WWOX: variants seen among roughly 807,000 people sequenced by gnomAD.
WWOX encodes WW domain containing oxidoreductase, also known as WW domain-containing oxidoreductase.
A neutral mutation model predicts 46.2 loss-of-function variants in WWOX; 69 were observed. The ratio of observed to expected loss-of-function variants is 1.49; its 90% confidence interval spans 1.23 to 1.82. WWOX has a LOEUF of 1.82. Ranked by LOEUF, WWOX falls within the 40% of genes most tolerant of loss-of-function variation. The probability of loss-of-function intolerance (pLI) is 0.00; values close to 1 mark genes in which losing one functional copy is unlikely to be tolerated. For missense variants in WWOX, 919 were observed against 542.6 expected, an observed-to-expected ratio of 1.69 and a Z score of -6.89; for synonymous variants, 359 against 202.6, an observed-to-expected ratio of 1.77 and a Z score of -6.56.
chr16:79,194,154 C>T (rs441083), intron 8 of WWOX, among the ~76,000 whole-genome samples: 118,943 of 152,146 alleles, frequency 0.78, 47,371 homozygotes, highest in Non-Finnish European at 0.85. Flanking sequence ...AGTGTAGCTC[C>T]AATGTGAGTT....
intron 8 of WWOX, among the ~76,000 whole-genome samples, chr16:79,011,789 G>A (rs1188334861): frequency 6.6e-6 from 1 of 151,610 alleles, no homozygotes; most frequent in African/African-American, 2.4e-5. Context: ...CACCATGCCC[G>A]GCCCCCTTTT....
chr16:79,052,276 G>C (rs532641217), intron 8 of WWOX, among the ~76,000 whole-genome samples: 35 of 150,854 alleles, frequency 2.3e-4, no homozygotes, highest in Non-Finnish European at 3.7e-4. Flanking sequence ...ACCTATGAGT[G>C]AGAATATGCG....
At chr16:78,811,709 G>T (rs2051194149) in intron 8 of WWOX, among the ~76,000 whole-genome samples, 1 of 151,950 alleles carries the variant, frequency 6.6e-6, no homozygotes, top group South Asian at 2.1e-4. Flanking sequence ...ATCCCCTCAT[G>T]AGGGGACCCA....
At chr16:78,697,696 G>T (rs1352958269) in intron 8 of WWOX, among the ~76,000 whole-genome samples, 1 of 152,150 alleles carries the variant, frequency 6.6e-6, no homozygotes, top group Non-Finnish European at 1.5e-5. Flanking sequence ...TAAGTGTTCT[G>T]AACACATTTA....
Position 78,887,080 on chromosome 16 carries a change from GTGT to G in WWOX, c.1057-324527_1057-324525del, listed in dbSNP as rs2044476437. Among the ~76,000 whole-genome samples the G allele has an allele frequency of 2.2e-3, 272 of 122,476 alleles. 2 individuals carry two copies. Among genetic ancestry groups the G allele is most frequent in the African/African-American group, 6.5e-3 (171 of 26,204 alleles). The allele number at this position is 122,476 out of a possible 152,430, so 80.3% of individuals were successfully genotyped here. On this transcript the variant is annotated intron_variant, in intron 8 of 8. Transcript: ENST00000566780. Reference sequence around the variant, plus strand: ...CTGGCTATATGTGTGTGTGTGTGGTGTGTGTGTGTGTGTGTGTGTGTGTGTGTG... The same window carrying G: ...CTGGCTATATGTGTGTGTGTGTGGTGGTGTGTGTGTGTGTGTGTGTGTGTG...
intron 6 of WWOX, among the ~76,000 whole-genome samples, chr16:78,399,843 T>C (rs1052852931): frequency 6.6e-6 from 1 of 152,212 alleles, no homozygotes; most frequent in Non-Finnish European, 1.5e-5. Context: ...GAAATCACAT[T>C]TTAATAACAT....
intron 8 of WWOX, among the ~76,000 whole-genome samples, chr16:79,068,672 G>A (rs558960934): frequency 7.6e-4 from 115 of 151,814 alleles, no homozygotes; most frequent in African/African-American, 1.9e-3. Context: ...TTAGCCAGGC[G>A]TGGGGGTGCA....
At chr16:78,202,270 A>G (rs984087287) in intron 5 of WWOX, among the ~76,000 whole-genome samples, 1 of 152,182 alleles carries the variant, frequency 6.6e-6, no homozygotes, top group Non-Finnish European at 1.5e-5. Context: ...TCCTGGTGCA[A>G]CATGCCATGA....
chr16:78,539,605 A>G (rs369837006), intron 8 of WWOX, among the ~76,000 whole-genome samples: 93 of 152,322 alleles, frequency 6.1e-4, no homozygotes, highest in African/African-American at 2.0e-3. Context: ...GAATTTCCCG[A>G]TTCTCTTCCA....
intron 8 of WWOX, among the ~76,000 whole-genome samples, chr16:79,068,395 C>G (rs1037567091): frequency 6.6e-6 from 1 of 151,974 alleles, no homozygotes; most frequent in Non-Finnish European, 1.5e-5. Context: ...GGACTTAAAC[C>G]CGTGTTCCTG....
At chr16:78,861,689 A>G (rs1478255997) in intron 8 of WWOX, among the ~76,000 whole-genome samples, 1 of 152,218 alleles carries the variant, frequency 6.6e-6, no homozygotes, top group Non-Finnish European at 1.5e-5. Context: ...TAAATATTAT[A>G]AATGTCATCT....
intron 8 of WWOX, among the ~76,000 whole-genome samples, chr16:78,677,504 G>A (rs1362927560): frequency 6.6e-6 from 1 of 152,190 alleles, no homozygotes; most frequent in Non-Finnish European, 1.5e-5. Flanking sequence ...TCCTGAGCCT[G>A]TTCTGTGGTC....
rs529899091 is a variant in WWOX at position 79,111,860 on chromosome 16, C to A, written c.1057-99748C>A. Among the ~76,000 whole-genome samples, 48 of 152,280 alleles carry A rather than the reference C, an allele frequency of 3.2e-4. No homozygotes were observed. In the Middle Eastern group the frequency reaches 0.014, roughly 43 times the overall value. On this transcript the variant is annotated intron_variant, in intron 8 of 8. Transcript: ENST00000566780. Reference sequence around the variant, plus strand: ...CCTGGCAGGGGACAAATTTATGTAACAGACTCCATCCTGAATTCCAGTCCT... The same window carrying A: ...CCTGGCAGGGGACAAATTTATGTAAAAGACTCCATCCTGAATTCCAGTCCT...
Position 78,422,684 on chromosome 16 carries a change from T to TATATATATATATATATATATATACAC in WWOX, c.606-2185_606-2184insTATATATATATATATATATATACACA, listed in dbSNP as rs1263877025. Among the ~76,000 whole-genome samples the TATATATATATATATATATATATACAC allele has an allele frequency of 1.5e-3, 78 of 52,940 alleles. 6 individuals are homozygous for TATATATATATATATATATATATACAC. The highest frequency in any genetic ancestry group is 3.5e-3 in the South Asian group (5 of 1,428). The allele number at this position is 52,940 out of a possible 152,430, so 34.7% of individuals were successfully genotyped here. A position where few individuals can be genotyped will look rare whatever the true frequency, so the allele number is the denominator to read the frequency against. On this transcript the variant is annotated intron_variant, in intron 6 of 8. Transcript: ENST00000566780. The stretch of plus-strand genomic sequence containing the variant: ...ACATGTATATATATATATATATATA[T>TATATATATATATATATATATATACAC]ACACACACACACACACATATATATA...
chr16:79,058,116 AAAAAC>A (rs1303961311), intron 8 of WWOX, among the ~76,000 whole-genome samples: 1 of 84,318 alleles, frequency 1.2e-5, no homozygotes, highest in African/African-American at 7.9e-5. Flanking sequence ...TAAAAAAAAA[AAAAAC>A]AAACAAACAA....
At chr16:78,538,446 G>A (rs2043811948) in intron 8 of WWOX, among the ~76,000 whole-genome samples, 1 of 152,068 alleles carries the variant, frequency 6.6e-6, no homozygotes, top group Non-Finnish European at 1.5e-5. Context: ...CTTCGGCCAC[G>A]GGCTTTCCCA....
chr16:79,010,908 G>T (rs946117596), intron 8 of WWOX, among the ~76,000 whole-genome samples: 7 of 152,040 alleles, frequency 4.6e-5, no homozygotes, highest in African/African-American at 1.7e-4. Flanking sequence ...GGGTCATGTT[G>T]TGTGGGACCT....
chr16:78,882,901 T>C (rs1052411139), intron 8 of WWOX, among the ~76,000 whole-genome samples: 1 of 151,456 alleles, frequency 6.6e-6, no homozygotes, highest in South Asian at 2.1e-4. Flanking sequence ...TGACACAAAC[T>C]GGAACAGAGC....
chr16:78,570,215 C>T (rs185401741), intron 8 of WWOX, among the ~76,000 whole-genome samples: 2 of 152,270 alleles, frequency 1.3e-5, no homozygotes, highest in East Asian at 3.9e-4. Context: ...ATAAAGAATG[C>T]TAGACTACGG....
Sources: allele counts gnomAD v4.1 joint callset (sites outside exome capture counted in the v4.1 genomes callset), GRCh38; gene constraint gnomAD v4.1.1; transcripts MANE v1.5; gene names NCBI Gene and HGNC (gene_info 2026-07-23, HGNC 2026-07-21).